DAB1: variants seen among roughly 807,000 people sequenced by gnomAD.
DAB1 encodes disabled homolog 1.
A neutral mutation model predicts 64.6 loss-of-function variants in DAB1; 15 were observed. The observed-to-expected ratio is 0.23, with a 90% CI of 0.16 to 0.36. DAB1 has a LOEUF of 0.36. DAB1 is among the 10% of genes least tolerant of loss of function. DAB1 has a pLI of 1.00. For synonymous variants in DAB1, 235 were observed against 251.9 expected (o/e 0.93, Z 0.64); for missense variants, 596 against 706.7 (o/e 0.84, Z 1.78).
intron 2 of DAB1, among the ~76,000 whole-genome samples, chr1:57,188,256 C>G (rs1663790899): frequency 6.6e-6 from 1 of 152,132 alleles, no homozygotes; most frequent in South Asian, 2.1e-4. Flanking sequence ...ATTGATAACT[C>G]ACCTCACAAT....
upstream of DAB1, among the ~76,000 whole-genome samples, chr1:57,428,680 G>A (rs534015986): frequency 5.9e-5 from 9 of 152,100 alleles, no homozygotes; most frequent in South Asian, 1.7e-3. Flanking sequence ...TATATACCCA[G>A]AAGTGGGATT....
intron 2 of DAB1, among the ~76,000 whole-genome samples, chr1:57,234,752 C>G (rs1158098326): frequency 6.6e-6 from 1 of 152,126 alleles, no homozygotes; most frequent in Non-Finnish European, 1.5e-5. Flanking sequence ...TGATAAAGAA[C>G]CCATTTTTAA....
At chr1:57,383,755 C>T (rs1190866152) in intron 1 of DAB1, among the ~76,000 whole-genome samples, 3 of 152,030 alleles carry the variant, frequency 2.0e-5, no homozygotes, top group African/African-American at 7.2e-5. Context: ...CAAAAATTAC[C>T]TCAAAATGGC....
chr1:57,126,592 A>G (rs569499916), intron 4 of DAB1, among the ~76,000 whole-genome samples: 33 of 152,348 alleles, frequency 2.2e-4, no homozygotes, highest in Admixed American at 7.2e-4. Context: ...TGATTCATCA[A>G]GTATGAAATG....
chr1:58,049,445 G>A (rs1175951958), intron 5 of DAB1: 3 of 323,186 alleles, frequency 9.3e-6, no homozygotes, highest in African/African-American at 4.2e-5. Context: ...CACATTGAAA[G>A]GTTCTATGGG....
chr1:57,040,419 T>C (rs1647606873), intron 9 of DAB1, among the ~76,000 whole-genome samples: 2 of 152,174 alleles, frequency 1.3e-5, no homozygotes, highest in Admixed American at 6.5e-5. Context: ...CAGAGCTCTC[T>C]AGAAACACTG....
intron 5 of DAB1, among the ~76,000 whole-genome samples, chr1:57,950,339 T>C (rs533464968): frequency 6.6e-6 from 1 of 152,116 alleles, no homozygotes; most frequent in Non-Finnish European, 1.5e-5. Context: ...TTAATAAATG[T>C]TAGCAATTTT....
At chr1:58,092,234 G>T (rs533772707) in intron 5 of DAB1, among the ~76,000 whole-genome samples, 3 of 151,816 alleles carry the variant, frequency 2.0e-5, no homozygotes, top group Non-Finnish European at 2.9e-5. Flanking sequence ...TACTTGGAAG[G>T]CTGAGGCAGA....
intron 5 of DAB1, among the ~76,000 whole-genome samples, chr1:57,953,594 C>G (rs1344928535): frequency 6.6e-6 from 1 of 152,166 alleles, no homozygotes; most frequent in Non-Finnish European, 1.5e-5. Context: ...TGCTGGACAT[C>G]CTCCGTTTGC....
chr1:57,759,676 A>T (rs1328912921), intron 6 of DAB1, among the ~76,000 whole-genome samples: 1 of 152,188 alleles, frequency 6.6e-6, no homozygotes, highest in East Asian at 1.9e-4. Context: ...TTAAATGACC[A>T]GATTAACATT....
intron 7 of DAB1, among the ~76,000 whole-genome samples, chr1:57,552,168 A>G (rs979808224): frequency 6.6e-6 from 1 of 152,108 alleles, no homozygotes; most frequent in African/African-American, 2.4e-5. Flanking sequence ...CAATTGGGAC[A>G]CTCCAAAAGT....
intron 4 of DAB1, among the ~76,000 whole-genome samples, chr1:57,088,338 C>T (rs1481836267): frequency 3.9e-5 from 6 of 152,112 alleles, no homozygotes; most frequent in South Asian, 2.1e-4. Flanking sequence ...CCCAAAGTGT[C>T]GGGATTACAG....
intron 6 of DAB1, among the ~76,000 whole-genome samples, chr1:57,651,757 A>G (rs1339330140): frequency 1.3e-5 from 2 of 152,194 alleles, no homozygotes; most frequent in South Asian, 2.1e-4. Flanking sequence ...ACACACATCA[A>G]TCTTCCTTTA....
intron 6 of DAB1, among the ~76,000 whole-genome samples, chr1:57,671,524 C>A (rs1036665253): frequency 6.6e-6 from 1 of 152,050 alleles, no homozygotes; most frequent in Non-Finnish European, 1.5e-5. Flanking sequence ...GATGGGTCCC[C>A]ATTTAATGAA....
intron 7 of DAB1, among the ~76,000 whole-genome samples, chr1:57,456,202 G>T (rs1193407979): frequency 6.6e-6 from 1 of 152,078 alleles, no homozygotes; most frequent in Non-Finnish European, 1.5e-5. Flanking sequence ...CAGTGCTCAG[G>T]TATTTCATTT....
chr1:57,203,497 C>T (rs1016330245), intron 2 of DAB1, among the ~76,000 whole-genome samples: 5 of 152,182 alleles, frequency 3.3e-5, no homozygotes, highest in Admixed American at 3.3e-4. Context: ...TGCCATGACA[C>T]TGCCCATCCA....
rs926638534 is a variant in DAB1 at position 57,290,889 on chromosome 1, T to C, written c.67+75A>G. The C allele has an allele frequency of 3.6e-6, 3 of 842,926 alleles. No individual in the cohort carries two copies. The Admixed American group carries it at 7.2e-5, about 20-fold the overall frequency. The allele number at this position is 842,926 out of a possible 1,614,324, so 52.2% of individuals were successfully genotyped here. A position where few individuals can be genotyped will look rare whatever the true frequency, so the allele number is the denominator to read the frequency against. On this transcript the variant is annotated intron_variant, in intron 2 of 14. Coordinates refer to ENST00000371236, the MANE Select transcript of DAB1 (RefSeq NM_001365792.1). ...ATGCAATCATAAAGATATTTCTTTA[T>C]ATCATTCCAGAGATCTAAAAACTCA...
intron 1 of DAB1, among the ~76,000 whole-genome samples, chr1:57,883,495 G>A (rs531843694): frequency 6.6e-6 from 1 of 152,330 alleles, no homozygotes; most frequent in East Asian, 1.9e-4. Context: ...GCCTGGTGCT[G>A]TGCAAAATTG....
At chr1:57,892,247 G>A (rs556926584) in intron 5 of DAB1, among the ~76,000 whole-genome samples, 71 of 152,218 alleles carry the variant, frequency 4.7e-4, no homozygotes, top group African/African-American at 1.7e-3. Context: ...CAATCACAGC[G>A]ACTTTGAGTA....
Sources: allele counts gnomAD v4.1 joint callset (sites outside exome capture counted in the v4.1 genomes callset), GRCh38; gene constraint gnomAD v4.1.1; transcripts MANE v1.5; gene names NCBI Gene and HGNC (gene_info 2026-07-23, HGNC 2026-07-21).